Variants in ORAI2 observed in about 807,000 individuals in gnomAD.
ORAI2 encodes protein orai-2.
In ORAI2, 10 loss-of-function variants were observed where a neutral mutation model predicts 16.2. The observed-to-expected ratio is 0.62, with a 90% confidence interval of 0.38 to 1.04. The LOEUF (loss-of-function observed/expected upper bound fraction) is 1.04. Among genes scored for constraint, ORAI2 ranks in the 50% least tolerant of loss-of-function variants. The pLI, the probability that ORAI2 is intolerant of heterozygous loss-of-function variation, is 0.01. For missense variants in ORAI2, 238 were observed against 355.5 expected, an observed-to-expected ratio of 0.67 and a Z score of 2.66; for synonymous variants, 150 against 157.5, an observed-to-expected ratio of 0.95 and a Z score of 0.35.
chr7:102,443,741 CTG>C (rs962670698), intron 3 of ORAI2, among the ~76,000 whole-genome samples: 1 of 152,142 alleles, frequency 6.6e-6, no homozygotes, highest in African/African-American at 2.4e-5. Context: ...TAGTCTCGCT[CTG>C]TCTCCCAGGC....
chr7:102,440,423 C>T (rs1797166496), intron 3 of ORAI2, among the ~76,000 whole-genome samples: 1 of 152,216 alleles, frequency 6.6e-6, no homozygotes, highest in South Asian at 2.1e-4. Context: ...CTGTTGACTC[C>T]AAAGCCGCTG....
rs1314993094 is a variant in ORAI2 at position 102,455,989 on chromosome 7, G to A, written c.*8937G>A. ...GTTCTGGGGGTGACTGTAAAGAGTG[G>A]TGCTGGCCCCGAACCTTTCCTGTTC... On this transcript the variant is annotated 3_prime_UTR_variant, in exon 4 of 4. Coordinates refer to ENST00000495936, the MANE Select transcript of ORAI2 (RefSeq NM_001126340.3). 6.5e-6 allele frequency: 1 copy of A among 152,850 alleles called. No homozygotes were observed. The highest frequency in any genetic ancestry group is 1.5e-5 in the Non-Finnish European group (1 of 68,172). 9.5% of individuals were successfully genotyped at this position (152,850 alleles called of 1,614,324 possible). A position where few individuals can be genotyped will look rare whatever the true frequency, so the allele number is the denominator to read the frequency against.
Position 102,447,388 on chromosome 7 carries a change from T to C in ORAI2, c.*336T>C. On this transcript the variant is annotated 3_prime_UTR_variant, in exon 4 of 4. Coordinates refer to ENST00000495936, the MANE Select transcript of ORAI2 (RefSeq NM_001126340.3). Reference sequence around the variant, plus strand: ...AGCAGCACCCAGCGGTCCGGGGGAGTCTCAGACCCGGCATGCGTGGCTGGC... The same window carrying C: ...AGCAGCACCCAGCGGTCCGGGGGAGCCTCAGACCCGGCATGCGTGGCTGGC... 3.5e-6 allele frequency: 1 copy of C among 282,688 alleles called. No homozygotes were observed. Among genetic ancestry groups the C allele is most frequent in the South Asian group, 7.3e-5 (1 of 13,642 alleles). 17.5% of individuals were successfully genotyped at this position (282,688 alleles called of 1,614,324 possible).
At chr7:102,445,931 TTTTC>T (rs1797348302) in intron 3 of ORAI2, among the ~76,000 whole-genome samples, 1 of 151,256 alleles carries the variant, frequency 6.6e-6, no homozygotes, top group Admixed American at 6.6e-5. Flanking sequence ...CTTTCCTTTC[TTTTC>T]TTTCTTTAAC....
Position 102,435,335 on chromosome 7 carries a change from C to G in ORAI2, c.-122-890C>G, listed in dbSNP as rs1247890370. Among the ~76,000 whole-genome samples, 4 of 152,128 alleles carry G rather than the reference C, an allele frequency of 2.6e-5. No homozygotes were observed. In the South Asian group the frequency reaches 8.3e-4, roughly 32 times the overall value. On this transcript the variant is annotated intron_variant, in intron 1 of 3. Transcript: ENST00000495936. ...CCTAGGCTGGTCTCCAGCTCCTGGCCGCAGGTGATCCTCCCACCTTGGCCT... is the reference window on the plus strand; with the variant it reads ...CCTAGGCTGGTCTCCAGCTCCTGGCGGCAGGTGATCCTCCCACCTTGGCCT...
At position 102,450,448 on chromosome 7, in the gene ORAI2, C is replaced by T. The variant is rs568792261; in HGVS notation, c.*3396C>T. On this transcript the variant is annotated 3_prime_UTR_variant, in exon 4 of 4. Transcript: ENST00000495936. ...GTACCACACTCCCCAGACTGTGGAACGCATCTCCAGTGCCATCTGGGGGCC... is the reference window on the plus strand; with the variant it reads ...GTACCACACTCCCCAGACTGTGGAATGCATCTCCAGTGCCATCTGGGGGCC... 3 of 152,406 alleles carry T rather than the reference C, an allele frequency of 2.0e-5. No individual in the cohort carries two copies. Among genetic ancestry groups the T allele is most frequent in the South Asian group, 2.1e-4 (1 of 4,834 alleles). The allele number at this position is 152,406 out of a possible 1,614,324, so 9.4% of individuals were successfully genotyped here.
intron 1 of ORAI2, among the ~76,000 whole-genome samples, chr7:102,435,605 T>C (rs11496123): frequency 0.81 from 116,842 of 143,514 alleles, 47,725 homozygotes; most frequent in Admixed American, 0.86. Flanking sequence ...GGTGTGCTCT[T>C]GGCTCACTGC....
intron 2 of ORAI2, 119 bp from the exon 3 acceptor site, chr7:102,438,825 C>A: frequency 2.3e-6 from 2 of 878,020 alleles, no homozygotes; most frequent in Non-Finnish European, 3.7e-6. Flanking sequence ...CTTTCTAAAC[C>A]CCTGGGCTCT....
At position 102,456,052 on chromosome 7, in the gene ORAI2, A is replaced by G. The variant is rs1032334381; in HGVS notation, c.*9000A>G. On this transcript the variant is annotated 3_prime_UTR_variant, in exon 4 of 4. Coordinates refer to ENST00000495936, the MANE Select transcript of ORAI2 (RefSeq NM_001126340.3). ...TTCCCAGCAGGTGGTGAGGAACTGA[A>G]CATTTTGTCCCATAGTGGTGGGAGA... The G allele has an allele frequency of 6.5e-6, 1 of 153,526 alleles. No homozygotes were observed. The highest frequency in any genetic ancestry group is 3.2e-3 in the Middle Eastern group (1 of 316). The allele number at this position is 153,526 out of a possible 1,614,324, so 9.5% of individuals were successfully genotyped here. A position where few individuals can be genotyped will look rare whatever the true frequency, so the allele number is the denominator to read the frequency against.
chr7:102,443,306 G>C (rs1586713379), intron 3 of ORAI2, among the ~76,000 whole-genome samples: 1 of 123,774 alleles, frequency 8.1e-6, no homozygotes, highest in Non-Finnish European at 1.6e-5. Flanking sequence ...ACGGAATCTT[G>C]CGCTGTCTGT....
rs1426978283 is a variant in ORAI2, at chr7:102,448,913, T to G, written c.*1861T>G. The G allele has an allele frequency of 6.6e-6, 1 of 151,170 alleles. No homozygotes were observed. The highest frequency in any genetic ancestry group is 1.5e-5 in the Non-Finnish European group (1 of 67,958). 9.4% of individuals were successfully genotyped at this position (151,170 alleles called of 1,614,324 possible). A position where few individuals can be genotyped will look rare whatever the true frequency, so the allele number is the denominator to read the frequency against. ...AAAAAAAAATCACTGGGCTTCTTCA[T>G]GCTCTGATCACATCTCTCGTAAAAG... On this transcript the variant is annotated 3_prime_UTR_variant, in exon 4 of 4. Transcript: ENST00000495936.
intron 1 of ORAI2, 32 bp from the exon 2 acceptor site, chr7:102,436,193 G>A (rs532040868): frequency 1.6e-5 from 7 of 431,282 alleles, no homozygotes; most frequent in African/African-American, 4.3e-5. Context: ...GCTAACCTAC[G>A]GATTGCAGCG....
rs186305762 is a variant in ORAI2 at position 102,447,502 on chromosome 7, G to A, written c.*450G>A. Reference sequence around the variant, plus strand: ...GGACTTCATGGGTGCTGAGTGGCCCGTGTGACAGTGATGACACGAAGGCTT... The same window carrying A: ...GGACTTCATGGGTGCTGAGTGGCCCATGTGACAGTGATGACACGAAGGCTT... On this transcript the variant is annotated 3_prime_UTR_variant, in exon 4 of 4. Coordinates refer to ENST00000495936, the MANE Select transcript of ORAI2 (RefSeq NM_001126340.3). 36 of 168,032 alleles carry A rather than the reference G, an allele frequency of 2.1e-4. No individual in the cohort carries two copies. Among genetic ancestry groups the A allele is most frequent in the Admixed American group, 9.4e-4 (16 of 17,096 alleles). The allele number at this position is 168,032 out of a possible 1,614,324, so 10.4% of individuals were successfully genotyped here. A position where few individuals can be genotyped will look rare whatever the true frequency, so the allele number is the denominator to read the frequency against.
chr7:102,446,687 A>G lies in ORAI2; in HGVS notation c.400A>G (p.Ile134Val), dbSNP rs773182234. The change falls in exon 4 of 4, where the codon ATC (isoleucine) becomes GTC (valine). Residue 134 changes from isoleucine (I) to valine (V), a missense_variant. Ile to Val is a conservative substitution (Grantham distance 29). Around this residue, in one of 3 missense-constraint regions of ORAI2, gnomAD observed 176 missense variants for 265.9 expected, o/e 0.66. Coordinates refer to ENST00000495936, the MANE Select transcript of ORAI2 (RefSeq NM_001126340.3). ...GAGCAACATCCACAACCTGAACTCC[A>G]TCAGCGAGTCCCCGCATGAGCGCAT... Reference protein sequence around the residue: ...AVSNIHNLNSISESPHERMHP... With the variant: ...AVSNIHNLNSVSESPHERMHP... 1.1e-5 allele frequency: 18 copies of G among 1,614,070 alleles called. No individual in the cohort carries two copies. Among genetic ancestry groups the G allele is most frequent in the Non-Finnish European group, 1.5e-5 (18 of 1,180,032 alleles).
At position 102,434,274 on chromosome 7, in the gene ORAI2, C is replaced by T. The variant is rs190875128; in HGVS notation, c.-123+613C>T. On this transcript the variant is annotated intron_variant, in intron 1 of 3. Coordinates refer to ENST00000495936, the MANE Select transcript of ORAI2 (RefSeq NM_001126340.3). ...AGTGTGAGGCCCAGACTCTGTCCCT[C>T]CCCCTGGGCCACCGGGCCTGGCACA... Among the ~76,000 whole-genome samples the T allele has an allele frequency of 2.3e-3, 344 of 152,174 alleles. 1 individual carries two copies. Among genetic ancestry groups the T allele is most frequent in the African/African-American group, 7.8e-3 (323 of 41,526 alleles).
intron 3 of ORAI2, among the ~76,000 whole-genome samples, chr7:102,444,956 C>T (rs568164055): frequency 2.5e-4 from 38 of 152,136 alleles, no homozygotes; most frequent in South Asian, 2.1e-4. Context: ...TGTGAGCCAC[C>T]GCGCCTGGCT....
chr7:102,443,274 C>T lies in ORAI2; in HGVS notation c.226-3239C>T, dbSNP rs1418797410. On this transcript the variant is annotated intron_variant, in intron 3 of 3. Transcript: ENST00000495936. ...GCCACCTCACTCAGCCCCTTTTCTCCTTTTTTTTTTTTTTTTTTGAGACGG... is the reference window on the plus strand; with the variant it reads ...GCCACCTCACTCAGCCCCTTTTCTCTTTTTTTTTTTTTTTTTTTGAGACGG... Among the ~76,000 whole-genome samples, 539 of 129,974 alleles carry T rather than the reference C, an allele frequency of 4.1e-3. 16 individuals are homozygous for T. Among genetic ancestry groups the T allele is most frequent in the African/African-American group, 0.012 (430 of 34,990 alleles). The allele number at this position is 129,974 out of a possible 152,430, so 85.3% of individuals were successfully genotyped here.
intron 3 of ORAI2, among the ~76,000 whole-genome samples, chr7:102,441,331 G>A (rs1339996127): frequency 6.6e-6 from 1 of 150,532 alleles, no homozygotes; most frequent in East Asian, 2.0e-4. Context: ...CACCTGGTCA[G>A]GAGTTCGAGA....
chr7:102,449,633 G>A lies in ORAI2; in HGVS notation c.*2581G>A, dbSNP rs1309432148. On this transcript the variant is annotated 3_prime_UTR_variant, in exon 4 of 4. Coordinates refer to ENST00000495936, the MANE Select transcript of ORAI2 (RefSeq NM_001126340.3). ...GAGGCAAGAGAATCGCTTGAACGCA[G>A]GAGGCAGAGGTTGCAGTGAGCTGAG... 1 of 152,224 alleles carries A rather than the reference G, an allele frequency of 6.6e-6. No individual in the cohort carries two copies. Among genetic ancestry groups the A allele is most frequent in the Non-Finnish European group, 1.5e-5 (1 of 68,062 alleles). 9.4% of individuals were successfully genotyped at this position (152,224 alleles called of 1,614,324 possible).
Sources: allele counts gnomAD v4.1 joint callset (sites outside exome capture counted in the v4.1 genomes callset), GRCh38; gene constraint gnomAD v4.1.1; regional missense constraint gnomAD v4.1.1; transcripts MANE v1.5; gene names NCBI Gene and HGNC (gene_info 2026-07-23, HGNC 2026-07-21).